The following ARHGAP26 variants were observed in gnomAD, a reference collection of about 807,000 sequenced individuals.
ARHGAP26 encodes Rho GTPase activating protein 26.
A neutral mutation model predicts 104.8 loss-of-function variants in ARHGAP26; 38 were observed. The ratio of observed to expected loss-of-function variants is 0.36; its 90% CI spans 0.28 to 0.48. ARHGAP26 has a LOEUF of 0.48. Ranked by LOEUF, ARHGAP26 falls within the 20% of genes least tolerant of loss-of-function variation. The pLI, the probability that ARHGAP26 is intolerant of heterozygous loss-of-function variation, is 0.99. For missense variants in ARHGAP26, 704 were observed against 947.9 expected, an observed-to-expected ratio of 0.74 and a Z score of 3.38; for synonymous variants, 341 against 340.0, an observed-to-expected ratio of 1.00 and a Z score of -0.03.
intron 17 of ARHGAP26, among the ~76,000 whole-genome samples, chr5:143,075,863 T>G (rs1788922852): frequency 6.6e-6 from 1 of 151,794 alleles, no homozygotes; most frequent in South Asian, 2.1e-4. Context: ...CAGGCCCAGC[T>G]AATTTTTGTA....
chr5:143,108,197 G>C (rs775282646), intron 17 of ARHGAP26, among the ~76,000 whole-genome samples: 7 of 152,300 alleles, frequency 4.6e-5, no homozygotes, highest in Non-Finnish European at 8.8e-5. Context: ...AATCAATTCA[G>C]ATTGTTTCTA....
intron 4 of ARHGAP26, among the ~76,000 whole-genome samples, chr5:142,882,626 T>C (rs1757164626): frequency 6.6e-6 from 1 of 152,240 alleles, no homozygotes; most frequent in African/African-American, 2.4e-5. Flanking sequence ...AGGTGTGTTC[T>C]TGATAAGAAG....
chr5:142,920,425 G>A (rs140965860), intron 10 of ARHGAP26, among the ~76,000 whole-genome samples: 2 of 152,346 alleles, frequency 1.3e-5, no homozygotes, highest in Non-Finnish European at 2.9e-5. Flanking sequence ...TCTCACAGAT[G>A]TAAGTGACAC....
intron 22 of ARHGAP26, among the ~76,000 whole-genome samples, chr5:143,220,685 A>G (rs1455310775): frequency 1.3e-5 from 2 of 152,200 alleles, no homozygotes; most frequent in African/African-American, 4.8e-5. Context: ...TCATGAACCC[A>G]AAGTATCCTT....
intron 1 of ARHGAP26, among the ~76,000 whole-genome samples, chr5:142,792,199 A>G (rs1021932226): frequency 4.6e-5 from 7 of 152,220 alleles, no homozygotes; most frequent in Non-Finnish European, 1.0e-4. Context: ...TTTCTGCACA[A>G]AATTTATCTG....
intron 1 of ARHGAP26, among the ~76,000 whole-genome samples, chr5:142,837,249 C>T (rs1404990466): frequency 6.6e-6 from 1 of 152,098 alleles, no homozygotes; most frequent in Non-Finnish European, 1.5e-5. Flanking sequence ...AGAAAGTTTC[C>T]CATTGTATCT....
chr5:143,023,454 A>T (rs150723379), intron 12 of ARHGAP26, among the ~76,000 whole-genome samples: 209 of 152,142 alleles, frequency 1.4e-3, no homozygotes, highest in African/African-American at 4.8e-3. Context: ...TTTAAAAGAC[A>T]TCTAAAGCCT....
chr5:143,222,586 G>T lies in ARHGAP26; in HGVS notation c.*140G>T, dbSNP rs889567804. The stretch of plus-strand genomic sequence containing the variant: ...GCTACCTGTCAACATGAATGTTTCT[G>T]TGAGCTCTGGTGTCACTCATCTCCA... On this transcript the variant is annotated 3_prime_UTR_variant, in exon 23 of 23. Transcript: ENST00000645722. 3.6e-6 allele frequency: 2 copies of T among 553,864 alleles called. No homozygotes were observed. The highest frequency in any genetic ancestry group is 6.1e-6 in the Non-Finnish European group (2 of 329,568). The allele number at this position is 553,864 out of a possible 1,614,324, so 34.3% of individuals were successfully genotyped here. A position where few individuals can be genotyped will look rare whatever the true frequency, so the allele number is the denominator to read the frequency against.
chr5:143,100,911 C>T (rs1014298042), intron 17 of ARHGAP26, among the ~76,000 whole-genome samples: 1 of 152,048 alleles, frequency 6.6e-6, no homozygotes, highest in Non-Finnish European at 1.5e-5. Flanking sequence ...GCCAACATGG[C>T]GAAACCCTGT....
intron 1 of ARHGAP26, among the ~76,000 whole-genome samples, chr5:142,821,082 T>A (rs1296584937): frequency 6.6e-6 from 1 of 152,198 alleles, no homozygotes; most frequent in Admixed American, 6.5e-5. Flanking sequence ...GTAAACTATA[T>A]CTTAGAGCTA....
chr5:143,192,303 G>A (rs553141631), intron 20 of ARHGAP26, among the ~76,000 whole-genome samples: 3 of 152,192 alleles, frequency 2.0e-5, no homozygotes, highest in Non-Finnish European at 4.4e-5. Context: ...AGTGGTTACA[G>A]GAAAGGGAAA....
intron 1 of ARHGAP26, among the ~76,000 whole-genome samples, chr5:142,782,609 T>C (rs567045152): frequency 1.4e-3 from 206 of 152,264 alleles, no homozygotes; most frequent in African/African-American, 4.5e-3. Context: ...AGCAGGTGGG[T>C]AGCAGAGAGT....
rs552787281 is a variant in ARHGAP26, at chr5:142,968,737, A to G, written c.1107+36612A>G. On this transcript the variant is annotated intron_variant, in intron 11 of 22. Coordinates refer to ENST00000645722, the MANE Select transcript of ARHGAP26 (RefSeq NM_001135608.3). ...TTCTTTTGCTTTTTGTAGTCTTTGTATCATTGTCACTGAGGTCTGGCCATG... is the reference window on the plus strand; with the variant it reads ...TTCTTTTGCTTTTTGTAGTCTTTGTGTCATTGTCACTGAGGTCTGGCCATG... Among the ~76,000 whole-genome samples, 61 of 152,302 alleles carry G rather than the reference A, an allele frequency of 4.0e-4. 1 individual carries two copies. The South Asian group carries it at 8.5e-3, about 21-fold the overall frequency.
At chr5:143,013,864 G>C (rs1779213383) in intron 11 of ARHGAP26, among the ~76,000 whole-genome samples, 1 of 151,988 alleles carries the variant, frequency 6.6e-6, no homozygotes, top group Admixed American at 6.6e-5. Flanking sequence ...ACACAATAAA[G>C]TTGCACAGAT....
At chr5:142,813,989 C>T (rs983779790) in intron 1 of ARHGAP26, among the ~76,000 whole-genome samples, 1 of 152,192 alleles carries the variant, frequency 6.6e-6, no homozygotes, top group Admixed American at 6.5e-5. Context: ...TGGTGGCCAC[C>T]ATTACTAGTT....
At chr5:143,052,834 G>T (rs901931340) in intron 14 of ARHGAP26, among the ~76,000 whole-genome samples, 1 of 152,120 alleles carries the variant, frequency 6.6e-6, no homozygotes, top group Non-Finnish European at 1.5e-5. Flanking sequence ...CAGCTGAAAG[G>T]CTGTTGGTCC....
At chr5:142,941,520 G>A (rs981794934) in intron 11 of ARHGAP26, among the ~76,000 whole-genome samples, 2 of 152,076 alleles carry the variant, frequency 1.3e-5, no homozygotes, top group African/African-American at 4.8e-5. Flanking sequence ...TTTTGTTTGC[G>A]TGTCTTTTCC....
At chr5:143,045,986 TAGTC>T (rs922041989) in intron 14 of ARHGAP26, among the ~76,000 whole-genome samples, 13 of 152,106 alleles carry the variant, frequency 8.5e-5, no homozygotes, top group African/African-American at 2.7e-4. Context: ...ACAAAAAAAT[TAGTC>T]AGGTGTGGTG....
At chr5:142,824,799 G>A (rs1281198379) in intron 1 of ARHGAP26, among the ~76,000 whole-genome samples, 1 of 152,200 alleles carries the variant, frequency 6.6e-6, no homozygotes, top group Non-Finnish European at 1.5e-5. Flanking sequence ...TTAATGGGCA[G>A]GGCACCAAGA....
Sources: gnomAD v4.1 joint callset for allele counts (sites outside exome capture counted in the v4.1 genomes callset) on GRCh38, gnomAD v4.1.1 for gene constraint, MANE v1.5 for transcripts, NCBI Gene and HGNC (gene_info 2026-07-23, HGNC 2026-07-21) for gene names.